SORCS2: variants seen among roughly 807,000 people sequenced by gnomAD.
The protein encoded by SORCS2 is sortilin related VPS10 domain containing receptor 2.
Under a neutral mutation model 141.6 loss-of-function variants are expected in SORCS2, and 100 were observed. The ratio of observed to expected loss-of-function variants is 0.71; its 90% CI spans 0.60 to 0.83. SORCS2 has a LOEUF of 0.83. Ranked by LOEUF, SORCS2 falls within the 40% of genes least tolerant of loss-of-function variation. The pLI is 0.00. For synonymous variants in SORCS2, 789 were observed against 676.9 expected, an observed-to-expected ratio of 1.17 and a Z score of -2.57; for missense variants, 1,646 against 1,560.2, an observed-to-expected ratio of 1.05 and a Z score of -0.93.
chr4:7,697,005 T>C (rs763105359), intron 11 of SORCS2, among the ~76,000 whole-genome samples, 193 bp from the exon 12 acceptor site: 3 of 152,212 alleles, frequency 2.0e-5, no homozygotes, highest in Non-Finnish European at 2.9e-5. Flanking sequence ...TGGCTGTCTT[T>C]GGGCAGGGCT....
intron 2 of SORCS2, among the ~76,000 whole-genome samples, chr4:7,461,685 C>G (rs1231229486): frequency 1.3e-5 from 2 of 152,228 alleles, no homozygotes; most frequent in South Asian, 2.1e-4. Context: ...CTCTCCCCGG[C>G]CCTTCCACGG....
intron 1 of SORCS2, among the ~76,000 whole-genome samples, chr4:7,297,505 C>G (rs1382002513): frequency 2.0e-5 from 3 of 152,126 alleles, no homozygotes; most frequent in Non-Finnish European, 4.4e-5. Flanking sequence ...GTCCAGACAG[C>G]CTGGGCCCTG....
intron 2 of SORCS2, among the ~76,000 whole-genome samples, chr4:7,504,758 T>C (rs1457118230): frequency 1.3e-5 from 2 of 152,206 alleles, no homozygotes; most frequent in Admixed American, 6.5e-5. Context: ...CATTTTGTCT[T>C]GGGCCTCACA....
intron 3 of SORCS2, among the ~76,000 whole-genome samples, chr4:7,551,293 CT>C (rs869275768): frequency 6.7e-6 from 1 of 149,242 alleles, no homozygotes; most frequent in Non-Finnish European, 1.5e-5. Context: ...GGGTCTTCTT[CT>C]TCCAGTTTGG....
At chr4:7,261,339 G>A (rs1380943586) in intron 1 of SORCS2, among the ~76,000 whole-genome samples, 1 of 152,218 alleles carries the variant, frequency 6.6e-6, no homozygotes, top group Non-Finnish European at 1.5e-5. Context: ...CTCTGCGACG[G>A]CCATAAATGT....
intron 1 of SORCS2, among the ~76,000 whole-genome samples, chr4:7,215,836 C>G (rs987362492): frequency 2.0e-5 from 3 of 152,102 alleles, no homozygotes; most frequent in African/African-American, 7.2e-5. Context: ...ACCTTTGTAT[C>G]TAGCTCAGGG....
intron 1 of SORCS2, among the ~76,000 whole-genome samples, chr4:7,353,627 G>A (rs1400023213): frequency 6.6e-6 from 1 of 152,176 alleles, no homozygotes; most frequent in South Asian, 2.1e-4. Context: ...TGCCCTGAGC[G>A]TGCTCTCTTT....
chr4:7,280,363 A>C (rs549849331), intron 1 of SORCS2, among the ~76,000 whole-genome samples: 114 of 152,354 alleles, frequency 7.5e-4, no homozygotes, highest in African/African-American at 2.6e-3. Flanking sequence ...GACTGGACCA[A>C]AATTGACTGT....
chr4:7,197,783 C>T (rs1000219786), intron 1 of SORCS2, among the ~76,000 whole-genome samples: 4 of 152,290 alleles, frequency 2.6e-5, no homozygotes, highest in South Asian at 2.1e-4. Flanking sequence ...GTCGCAGTGA[C>T]GAGTGGTGGA....
At chr4:7,426,375 AG>A (rs1355707425) in intron 2 of SORCS2, among the ~76,000 whole-genome samples, 1 of 150,910 alleles carries the variant, frequency 6.6e-6, no homozygotes, top group Non-Finnish European at 1.5e-5. Flanking sequence ...AGGCCTTCCC[AG>A]CACACACTGC....
At chr4:7,554,788 G>T (rs1420715711) in intron 3 of SORCS2, among the ~76,000 whole-genome samples, 1 of 152,146 alleles carries the variant, frequency 6.6e-6, no homozygotes, top group African/African-American at 2.4e-5. Context: ...ACCCTCCAGA[G>T]AGGGCAATGC....
At chr4:7,282,961 A>G (rs1179250890) in intron 1 of SORCS2, among the ~76,000 whole-genome samples, 2 of 152,224 alleles carry the variant, frequency 1.3e-5, no homozygotes, top group Non-Finnish European at 2.9e-5. Flanking sequence ...ACACTCATTA[A>G]TTCATTCATT....
chr4:7,430,262 C>CAAAAAAAA (rs150192047), intron 2 of SORCS2: 1 of 144,818 alleles, frequency 6.9e-6, no homozygotes, highest in Non-Finnish European at 1.5e-5. Context: ...AATTATTCAC[C>CAAAAAAAA]AAAAAAAAAA....
In SORCS2 at chr4:7,312,495, C is replaced by T. The variant is rs559994370; in HGVS notation, c.481-83793C>T. Among the ~76,000 whole-genome samples, 7 of 152,194 alleles carry T rather than the reference C, an allele frequency of 4.6e-5. No individual in the cohort carries two copies. The East Asian group carries it at 1.2e-3, about 25-fold the overall frequency. The stretch of plus-strand genomic sequence containing the variant: ...GTTCTGTTTCTCATCCTGGCTCCCC[C>T]TTCTCTAGTACCTACCTGTCTCTGG... On this transcript the variant is annotated intron_variant, in intron 1 of 26. Coordinates refer to ENST00000507866, the MANE Select transcript of SORCS2 (RefSeq NM_020777.3).
At chr4:7,476,315 A>G (rs1285609016) in intron 2 of SORCS2, among the ~76,000 whole-genome samples, 1 of 152,198 alleles carries the variant, frequency 6.6e-6, no homozygotes, top group Non-Finnish European at 1.5e-5. Context: ...AGGAACCTGT[A>G]GGTCAGGCCT....
chr4:7,523,948 A>G (rs896520703), intron 2 of SORCS2, among the ~76,000 whole-genome samples: 11 of 152,312 alleles, frequency 7.2e-5, no homozygotes, highest in African/African-American at 2.2e-4. Context: ...GGGATGACGC[A>G]CTGGAAGCTG....
chr4:7,706,073 TGGGCTCTGCCTG>T lies in SORCS2; in HGVS notation c.1868+1791_1868+1802del, dbSNP rs1296969205. Among the ~76,000 whole-genome samples the T allele has an allele frequency of 3.2e-4, 46 of 145,598 alleles. 2 individuals carry two copies. The highest frequency in any genetic ancestry group is 1.1e-3 in the African/African-American group (42 of 39,882). On this transcript the variant is annotated intron_variant, in intron 14 of 26. Coordinates refer to ENST00000507866, the MANE Select transcript of SORCS2 (RefSeq NM_020777.3). ...GGCTCCGCCTGGGCAGGGATGAGGC[TGGGCTCTGCCTG>T]GACAGAGATGAGGCTGGGCTCTGTC...
At chr4:7,273,930 G>A (rs562731005) in intron 1 of SORCS2, among the ~76,000 whole-genome samples, 1 of 152,310 alleles carries the variant, frequency 6.6e-6, no homozygotes, top group East Asian at 1.9e-4. Context: ...ACCATGCTGG[G>A]GCTCTGACAT....
intron 2 of SORCS2, chr4:7,433,332 G>C (rs999012278): frequency 1.4e-6 from 2 of 1,421,360 alleles, no homozygotes; most frequent in African/African-American, 1.4e-5. Context: ...GTTCCCCAGC[G>C]TGGAGGTGCA....
Sources: allele counts gnomAD v4.1 joint callset (sites outside exome capture counted in the v4.1 genomes callset), GRCh38; gene constraint gnomAD v4.1.1; transcripts MANE v1.5; gene names NCBI Gene and HGNC (gene_info 2026-07-23, HGNC 2026-07-21).